GARS1: variants seen among roughly 807,000 people sequenced by gnomAD.
GARS1 encodes glycyl-tRNA synthetase 1.
Under a neutral mutation model 86.4 loss-of-function variants are expected in GARS1, and 46 were observed. That is an observed-to-expected ratio of 0.53 (90% confidence interval 0.42 to 0.68). GARS1 has a LOEUF of 0.68. Ranked by LOEUF, GARS1 falls within the 30% of genes least tolerant of loss-of-function variation. The probability of loss-of-function intolerance (pLI) is 0.00; values close to 1 mark genes in which losing one functional copy is unlikely to be tolerated. For missense variants in GARS1, 797 were observed against 915.6 expected (o/e 0.87, Z 1.67); for synonymous variants, 342 against 329.8 (o/e 1.04, Z -0.40).
chr7:30,620,716 C>G (rs1369086378), intron 10 of GARS1, among the ~76,000 whole-genome samples: 3 of 152,202 alleles, frequency 2.0e-5, no homozygotes, highest in South Asian at 4.1e-4. Context: ...TTTACCCACT[C>G]TTATACTGAG....
chr7:30,610,243 A>G (rs1039834685), intron 7 of GARS1, among the ~76,000 whole-genome samples: 2 of 152,350 alleles, frequency 1.3e-5, no homozygotes, highest in South Asian at 4.1e-4. Flanking sequence ...TGAAATTTAA[A>G]TAGACATCTG....
intron 1 of GARS1, among the ~76,000 whole-genome samples, chr7:30,595,409 C>T (rs1791226397): frequency 1.3e-5 from 2 of 152,218 alleles, no homozygotes; most frequent in South Asian, 4.1e-4. Flanking sequence ...CTCTCCGGCT[C>T]CGTTCTCCCT....
At chr7:30,603,148 A>G in intron 5 of GARS1, 26 bp downstream of exon 5, 1 of 1,554,498 alleles carries the variant, frequency 6.4e-7, no homozygotes, top group Middle Eastern at 1.7e-4. Context: ...TCCTTCAGGT[A>G]GGATTGATCA....
intron 10 of GARS1, among the ~76,000 whole-genome samples, chr7:30,618,300 T>C (rs908331381): frequency 6.6e-6 from 1 of 152,160 alleles, no homozygotes; most frequent in Admixed American, 6.5e-5. Context: ...GTCACATAAC[T>C]TTGTTGTTTT....
intron 13 of GARS1, 84 bp downstream of exon 13, chr7:30,626,403 C>G: frequency 1.1e-6 from 1 of 881,750 alleles, no homozygotes; most frequent in Non-Finnish European, 1.9e-6. Context: ...GCTCTGTCAC[C>G]CAGGCTGGAG....
chr7:30,625,879 C>T (rs1015398055), intron 12 of GARS1, among the ~76,000 whole-genome samples: 3 of 152,200 alleles, frequency 2.0e-5, no homozygotes, highest in Non-Finnish European at 2.9e-5. Context: ...TTTTTACCAG[C>T]AGGCCTATTT....
rs1185872135 is a variant in GARS1 at position 30,612,253 on chromosome 7, T to C, written c.1031+8T>C. The C allele has an allele frequency of 6.2e-7, 1 of 1,613,488 alleles. No individual in the cohort carries two copies. On this transcript the variant is annotated splice_region_variant and intron_variant, in intron 8 of 16. Transcript: ENST00000389266. ...TGGACTGATCAGAGTCAGGTACTGC[T>C]CAGGTTACTCTTACAAATTAGTGAA...
upstream of GARS1, chr7:30,594,853 T>A (rs527307703): frequency 1.4e-3 from 1,829 of 1,352,650 alleles, 28 homozygotes; most frequent in East Asian, 0.035. Context: ...GATTTCATCA[T>A]GCTCCGAGCC....
At chr7:30,595,189 A>G (rs1035413546) in intron 1 of GARS1, 46 bp downstream of exon 1, 1 of 1,485,586 alleles carries the variant, frequency 6.7e-7, no homozygotes, top group African/African-American at 1.4e-5. Context: ...CTCTCCTCCC[A>G]GGGCCTTCTT....
intron 14 of GARS1, chr7:30,631,145 T>C: frequency 3.1e-6 from 1 of 323,172 alleles, no homozygotes; most frequent in Admixed American, 4.3e-5. Flanking sequence ...TCATTTGACT[T>C]TTTTAGTAAC....
chr7:30,633,285 C>G (rs890361283), intron 16 of GARS1, among the ~76,000 whole-genome samples: 1 of 152,164 alleles, frequency 6.6e-6, no homozygotes, highest in Non-Finnish European at 1.5e-5. Flanking sequence ...GGTGGAGAGG[C>G]AGAGGGGGCA....
rs376067092 is a variant in GARS1 at position 30,631,340 on chromosome 7, G to A, written c.1810-108G>A. 118 of 828,626 alleles carry A rather than the reference G, an allele frequency of 1.4e-4. No homozygotes were observed. In the African/African-American group the frequency reaches 1.7e-3, roughly 12 times the overall value. The allele number at this position is 828,626 out of a possible 1,614,324, so 51.3% of individuals were successfully genotyped here. Reference sequence around the variant, plus strand: ...TGTTTTCTGGCATTTTGGTAATGACGTTATGCTTGAACACTTGCTGAATAT... The same window carrying A: ...TGTTTTCTGGCATTTTGGTAATGACATTATGCTTGAACACTTGCTGAATAT... On this transcript the variant is annotated intron_variant, in intron 14 of 16. Coordinates refer to ENST00000389266, the MANE Select transcript of GARS1 (RefSeq NM_002047.4).
chr7:30,616,220 A>G lies in GARS1; in HGVS notation c.1194+162A>G, dbSNP rs527561460. ...AGAATTTGTTATACAGTATTATTAT[A>G]GTAAGAGAAAAATCACCTGAACATC... is the stretch of plus-strand genomic sequence containing the variant. On this transcript the variant is annotated intron_variant, in intron 9 of 16. Coordinates refer to ENST00000389266, the MANE Select transcript of GARS1 (RefSeq NM_002047.4). 3.3e-5 allele frequency among the ~76,000 whole-genome samples: 5 copies of G among 152,366 alleles called. No individual in the cohort carries two copies. In the South Asian group the frequency reaches 8.3e-4, roughly 25 times the overall value.
chr7:30,608,416 G>A (rs1197840466), intron 6 of GARS1, among the ~76,000 whole-genome samples: 1 of 152,154 alleles, frequency 6.6e-6, no homozygotes, highest in Non-Finnish European at 1.5e-5. Flanking sequence ...AGTAGGACCA[G>A]CTTATATTTA....
At chr7:30,633,295 A>G (rs577940121) in intron 16 of GARS1, among the ~76,000 whole-genome samples, 69 of 152,314 alleles carry the variant, frequency 4.5e-4, no homozygotes, top group African/African-American at 1.5e-3. Context: ...CAGAGGGGGC[A>G]GGCAGAACTT....
chr7:30,623,204 A>C (rs978901027), intron 12 of GARS1, among the ~76,000 whole-genome samples: 4 of 152,058 alleles, frequency 2.6e-5, no homozygotes, highest in South Asian at 4.1e-4. Flanking sequence ...GCAAACAATA[A>C]AAATTATTAT....
At position 30,600,983 on chromosome 7, in the gene GARS1, A is replaced by C. The variant is rs1791363225; in HGVS notation, c.428-76A>C. 3 of 1,338,146 alleles carry C rather than the reference A, an allele frequency of 2.2e-6. No homozygotes were observed. The Admixed American group carries it at 5.0e-5, about 22-fold the overall frequency. 82.9% of individuals were successfully genotyped at this position (1,338,146 alleles called of 1,614,324 possible). Reference sequence around the variant, plus strand: ...TACACTTTTAGGGAGTATAGGTATCAGTTTCTCATGTCTCCTTGCCTTCAT... The same window carrying C: ...TACACTTTTAGGGAGTATAGGTATCCGTTTCTCATGTCTCCTTGCCTTCAT... On this transcript the variant is annotated intron_variant, in intron 3 of 16. Coordinates refer to ENST00000389266, the MANE Select transcript of GARS1 (RefSeq NM_002047.4).
intron 2 of GARS1, among the ~76,000 whole-genome samples, chr7:30,599,289 A>G (rs1337163623): frequency 1.3e-5 from 2 of 152,222 alleles, no homozygotes; most frequent in Non-Finnish European, 2.9e-5. Flanking sequence ...TAGATCTCCC[A>G]TCACCAAACT....
At position 30,598,926 on chromosome 7, in the gene GARS1, A is replaced by G. The variant is rs556718980; in HGVS notation, c.324+29A>G. 44 of 1,505,688 alleles carry G rather than the reference A, an allele frequency of 2.9e-5. 1 individual carries two copies. The South Asian group carries it at 4.4e-4, about 15-fold the overall frequency. 93.3% of individuals were successfully genotyped at this position (1,505,688 alleles called of 1,614,324 possible). The stretch of plus-strand genomic sequence containing the variant: ...AGTCCTGGGATGCTAAAATAGGAAC[A>G]TAAGTAGGTATAGGATTGTTCATCT... On this transcript the variant is annotated intron_variant, in intron 2 of 16. Coordinates refer to ENST00000389266, the MANE Select transcript of GARS1 (RefSeq NM_002047.4).
Sources: allele counts gnomAD v4.1 joint callset (sites outside exome capture counted in the v4.1 genomes callset), GRCh38; gene constraint gnomAD v4.1.1; transcripts MANE v1.5; gene names NCBI Gene and HGNC (gene_info 2026-07-23, HGNC 2026-07-21).